The following ARHGAP24 variants were observed in gnomAD, a reference collection of about 807,000 sequenced individuals.
ARHGAP24 encodes rho GTPase-activating protein 24.
A neutral mutation model predicts 76.4 loss-of-function variants in ARHGAP24; 50 were observed. The ratio of observed to expected loss-of-function variants is 0.65; its 90% CI spans 0.52 to 0.83. The LOEUF is 0.83. Among genes scored for constraint, ARHGAP24 ranks in the 40% least tolerant of loss-of-function variants. The pLI is 0.00. For missense variants in ARHGAP24, 930 were observed against 914.2 expected (o/e 1.02, Z -0.22); for synonymous variants, 345 against 323.3 (o/e 1.07, Z -0.72).
intron 4 of ARHGAP24, among the ~76,000 whole-genome samples, chr4:85,934,522 G>A (rs552864227): frequency 6.6e-6 from 1 of 152,108 alleles, no homozygotes; most frequent in Admixed American, 6.6e-5. Flanking sequence ...TTATTTATTT[G>A]TTTGTTTGTT....
intron 5 of ARHGAP24, among the ~76,000 whole-genome samples, chr4:85,955,542 G>C (rs924242594): frequency 1.2e-4 from 18 of 152,146 alleles, no homozygotes; most frequent in Admixed American, 9.8e-4. Context: ...AGCAACCCTT[G>C]TCGTTCCTTG....
At chr4:85,896,281 C>A (rs937046305) in intron 3 of ARHGAP24, among the ~76,000 whole-genome samples, 1 of 152,094 alleles carries the variant, frequency 6.6e-6, no homozygotes, top group South Asian at 2.1e-4. Flanking sequence ...TTTATGTTTA[C>A]GATTAGTTTT....
At chr4:85,556,799 G>A (rs1218616527) in intron 1 of ARHGAP24, among the ~76,000 whole-genome samples, 1 of 152,204 alleles carries the variant, frequency 6.6e-6, no homozygotes, top group African/African-American at 2.4e-5. Context: ...AGGGCAATAG[G>A]AGCAAGGGCT....
chr4:85,842,253 T>C (rs1730639016), intron 3 of ARHGAP24, among the ~76,000 whole-genome samples: 1 of 152,142 alleles, frequency 6.6e-6, no homozygotes, highest in South Asian at 2.1e-4. Context: ...TACATGCAAA[T>C]CCTACTCTCT....
intron 3 of ARHGAP24, among the ~76,000 whole-genome samples, chr4:85,779,824 TATA>T (rs1265778996): frequency 6.6e-6 from 1 of 152,222 alleles, no homozygotes; most frequent in Non-Finnish European, 1.5e-5. Context: ...CTAGCTGGTA[TATA>T]ATATTTGCTG....
rs36067390 is a variant in ARHGAP24, at chr4:85,942,099, G to A, written c.425G>A (p.Arg142His). 726 of 1,613,688 alleles carry A rather than the reference G, an allele frequency of 4.5e-4. 2 individuals carry two copies. The African/African-American group carries it at 7.7e-3, about 17-fold the overall frequency. Residue 142 changes from arginine (R) to histidine (H), a missense_variant, in exon 5 of 10, where the codon CGT becomes CAT. Transcript: ENST00000395184. ...IFGQKLEDTV[R>H]YEKRYGNRLA... is the part of the protein sequence containing the mutation. The stretch of plus-strand genomic sequence containing the variant: ...GGACAGAAACTGGAGGATACTGTTC[G>A]TTATGAGAAGAGATATGGGAACCGT...
chr4:85,799,814 A>G (rs1027990678), intron 3 of ARHGAP24, among the ~76,000 whole-genome samples: 1 of 152,172 alleles, frequency 6.6e-6, no homozygotes, highest in Non-Finnish European at 1.5e-5. Flanking sequence ...CTCTTGAGTG[A>G]CCTACTGAGA....
At chr4:85,625,791 C>G (rs1198869573) in intron 2 of ARHGAP24, among the ~76,000 whole-genome samples, 1 of 152,150 alleles carries the variant, frequency 6.6e-6, no homozygotes, top group Non-Finnish European at 1.5e-5. Flanking sequence ...ATAGTTAGCT[C>G]TTCTTATTAA....
In ARHGAP24 at chr4:85,968,202, A is replaced by T. The variant is rs146785129; in HGVS notation, c.600-3834A>T. On this transcript the variant is annotated intron_variant, in intron 5 of 9. Coordinates refer to ENST00000395184, the MANE Select transcript of ARHGAP24 (RefSeq NM_001025616.3). ...CGTATCTCAGTGATTAGCCAAAAAG[A>T]ATTTTTGTCTGTGCAGTTTCCTGTT... Among the ~76,000 whole-genome samples, 479 of 152,204 alleles carry T rather than the reference A, an allele frequency of 3.1e-3. 3 individuals are homozygous for T. Among genetic ancestry groups the T allele is most frequent in the Middle Eastern group, 0.014 (4 of 294 alleles).
intron 8 of ARHGAP24, among the ~76,000 whole-genome samples, chr4:85,986,530 A>G (rs996350502): frequency 6.6e-6 from 1 of 152,158 alleles, no homozygotes; most frequent in African/African-American, 2.4e-5. Flanking sequence ...ACATAGTATC[A>G]CAGGGAATAA....
At chr4:85,900,816 T>C (rs1734451823) in intron 3 of ARHGAP24, among the ~76,000 whole-genome samples, 1 of 152,176 alleles carries the variant, frequency 6.6e-6, no homozygotes, top group Admixed American at 6.5e-5. Context: ...TGGTTTTGCG[T>C]TGAACACAAT....
Position 85,938,166 on chromosome 4 carries a change from T to G in ARHGAP24, c.392-3900T>G, listed in dbSNP as rs75560044. 5.8e-3 allele frequency among the ~76,000 whole-genome samples: 879 copies of G among 152,312 alleles called. 17 individuals are homozygous for G. Among genetic ancestry groups the G allele is most frequent in the African/African-American group, 0.02 (835 of 41,574 alleles). On this transcript the variant is annotated intron_variant, in intron 4 of 9. Transcript: ENST00000395184. Reference sequence around the variant, plus strand: ...ACCTGTGTGATTTACGTTCTCAGTCTAGTGAAAAGTCACATCCTCGGTGAT... The same window carrying G: ...ACCTGTGTGATTTACGTTCTCAGTCGAGTGAAAAGTCACATCCTCGGTGAT...
In ARHGAP24 at chr4:86,001,391, C is replaced by CTT. The variant is rs1353810549; in HGVS notation, c.*671_*672dup. 1 of 398,922 alleles carries CTT rather than the reference C, an allele frequency of 2.5e-6. No homozygotes were observed. The highest frequency in any genetic ancestry group is 2.1e-5 in the African/African-American group (1 of 48,616). 24.7% of individuals were successfully genotyped at this position (398,922 alleles called of 1,614,324 possible). A position where few individuals can be genotyped will look rare whatever the true frequency, so the allele number is the denominator to read the frequency against. On this transcript the variant is annotated 3_prime_UTR_variant, in exon 10 of 10. Coordinates refer to ENST00000395184, the MANE Select transcript of ARHGAP24 (RefSeq NM_001025616.3). ...TTTGCGAGGCGATTTGACATAGGAA[C>CTT]TTTGAGACTCCATGAGAAAGTCCCT...
intron 5 of ARHGAP24, among the ~76,000 whole-genome samples, chr4:85,943,748 T>C (rs1468898251): frequency 1.3e-5 from 2 of 152,026 alleles, no homozygotes; most frequent in African/African-American, 4.8e-5. Flanking sequence ...CTGAGAATGA[T>C]GGTTTCCAGC....
intron 2 of ARHGAP24, among the ~76,000 whole-genome samples, chr4:85,685,399 G>A (rs1016261481): frequency 2.0e-5 from 3 of 152,084 alleles, no homozygotes; most frequent in African/African-American, 4.8e-5. Context: ...TTGGGAGGCC[G>A]AGGCAGGTGG....
intron 1 of ARHGAP24, among the ~76,000 whole-genome samples, chr4:85,485,223 C>G (rs1560504338): frequency 6.7e-6 from 1 of 149,236 alleles, no homozygotes; most frequent in Non-Finnish European, 1.5e-5. Context: ...TGGTGGGCGC[C>G]TGTAGTCCCA....
chr4:85,595,267 T>A (rs1439312188), intron 2 of ARHGAP24, among the ~76,000 whole-genome samples: 1 of 152,076 alleles, frequency 6.6e-6, no homozygotes, highest in Non-Finnish European at 1.5e-5. Flanking sequence ...CAGTAGAAGT[T>A]CCTGTCGGAA....
chr4:85,942,326 G>A, intron 5 of ARHGAP24, 53 bp downstream of exon 5: 1 of 1,587,740 alleles, frequency 6.3e-7, no homozygotes, highest in Non-Finnish European at 8.6e-7. Flanking sequence ...AGACTCAACT[G>A]ACAGGATGCA....
At chr4:85,482,518 C>G (rs1204565834) in intron 1 of ARHGAP24, among the ~76,000 whole-genome samples, 2 of 152,054 alleles carry the variant, frequency 1.3e-5, no homozygotes, top group Non-Finnish European at 2.9e-5. Context: ...ACAGGTCAAG[C>G]TGCCGAGGGA....
Sources: gnomAD v4.1 joint callset for allele counts (sites outside exome capture counted in the v4.1 genomes callset) on GRCh38, gnomAD v4.1.1 for gene constraint, MANE v1.5 for transcripts, NCBI Gene and HGNC (gene_info 2026-07-23, HGNC 2026-07-21) for gene names.